The following TTN variants were observed in gnomAD, a reference collection of about 807,000 sequenced individuals.
The protein encoded by TTN is titin, also known as connectin.
Under a neutral mutation model 3,223.0 loss-of-function variants are expected in TTN, and 1,525 were observed. The observed-to-expected ratio is 0.47, with a 90% CI of 0.45 to 0.49. The LOEUF is 0.49. TTN is among the 20% of genes least tolerant of loss of function. TTN has a pLI of 0.00. For synonymous variants in TTN, 14,094 were observed against 15,161.0 expected, an observed-to-expected ratio of 0.93 and a Z score of 5.17; for missense variants, 40,786 against 43,424.0, an observed-to-expected ratio of 0.94 and a Z score of 5.40.
At position 178,569,586 on chromosome 2, in the gene TTN, G is replaced by A. The variant is rs752300467; in HGVS notation, c.76546C>T (p.Leu25516=). The change falls in exon 326 of 363, where the codon CTA becomes TTA. Residue 25516 remains leucine (L), a synonymous_variant. Coordinates refer to ENST00000589042, the MANE Select transcript of TTN (RefSeq NM_001267550.2). ...EAPDIDLDLE[L]RKIINIRAGG... is the part of the protein sequence containing the mutation. Reference sequence around the variant, plus strand: ...GCCCTTATATTTATGATTTTCCTTAGTTCTAGGTCAAGATCAATGTCTGGT... The same window carrying A: ...GCCCTTATATTTATGATTTTCCTTAATTCTAGGTCAAGATCAATGTCTGGT... 1 of 1,612,764 alleles carries A rather than the reference G, an allele frequency of 6.2e-7. No homozygotes were observed. Among genetic ancestry groups the A allele is most frequent in the African/African-American group, 1.3e-5 (1 of 74,954 alleles).
At position 178,591,963 on chromosome 2, in the gene TTN, G is replaced by T. The variant is rs1325582109; in HGVS notation, c.59926+15C>A. 1.9e-6 allele frequency: 3 copies of T among 1,608,516 alleles called. No individual in the cohort carries two copies. Among genetic ancestry groups the T allele is most frequent in the Non-Finnish European group, 2.5e-6 (3 of 1,178,492 alleles). The stretch of plus-strand genomic sequence containing the variant: ...CAGTCAAACAATAGTTTTGTATTCA[G>T]AGAAAGCAACTTACGGAGAGGATCC... On this transcript the variant is annotated intron_variant, in intron 302 of 362. Transcript: ENST00000589042.
Position 178,785,964 on chromosome 2 carries a change from G to T in TTN, c.2254C>A (p.Arg752Ser). 6.2e-7 allele frequency: 1 copy of T among 1,614,122 alleles called. No individual in the cohort carries two copies. The highest frequency in any genetic ancestry group is 8.5e-7 in the Non-Finnish European group (1 of 1,179,998). The change falls in exon 14 of 363, where the codon CGT (arginine) becomes AGT (serine). Residue 752 changes from arginine (R) to serine (S), a missense_variant. By Grantham distance (110) the Arg-to-Ser change is moderately radical (BLOSUM62 -1). Transcript: ENST00000589042. ...SAAKVAEPPQ[R>S]PASEPHVVPK... is the part of the protein sequence containing the mutation. ...ACAACGTGGGGTTCTGAGGCTGGAC[G>T]TTGGGGAGGCTCAGCTACCTTTGCG...
intron 49 of TTN, among the ~76,000 whole-genome samples, chr2:178,736,848 C>G (rs2081538039): frequency 6.6e-6 from 1 of 152,094 alleles, no homozygotes; most frequent in African/African-American, 2.4e-5. Context: ...TCATCATGGG[C>G]CTGGGTTTTT....
At chr2:178,629,185 G>C in intron 240 of TTN, 116 bp downstream of exon 240, 2 of 1,361,376 alleles carry the variant, frequency 1.5e-6, no homozygotes, top group Non-Finnish European at 1.9e-6. Context: ...GGCGGAAAGA[G>C]AAAGGCAAAG....
intron 304 of TTN, 134 bp downstream of exon 304, chr2:178,588,404 T>C: frequency 8.1e-7 from 1 of 1,235,836 alleles, no homozygotes; most frequent in East Asian, 2.4e-5. Context: ...TGGTAAAAGG[T>C]CTATTTGGAA....
chr2:178,688,934 G>GC (rs1254073305), intron 125 of TTN, 119 bp downstream of exon 125: 20 of 1,210,340 alleles, frequency 1.7e-5, no homozygotes, highest in Non-Finnish European at 2.0e-5. Flanking sequence ...AAGTTTCACT[G>GC]CAAGTGAGAC....
chr2:178,686,471 G>A (rs1412124956), intron 127 of TTN, among the ~76,000 whole-genome samples: 2 of 151,924 alleles, frequency 1.3e-5, no homozygotes, highest in Non-Finnish European at 2.9e-5. Context: ...AGGCTAAAAT[G>A]CAGTGGTGTA....
intron 41 of TTN, 111 bp downstream of exon 41, chr2:178,766,270 A>T: frequency 1.1e-6 from 1 of 876,106 alleles, no homozygotes; most frequent in South Asian, 1.4e-5. Flanking sequence ...AACCACATGA[A>T]TACCATAGGT....
At chr2:178,671,855 C>G in intron 155 of TTN, 116 bp downstream of exon 155, 2 of 1,101,006 alleles carry the variant, frequency 1.8e-6, no homozygotes, top group Non-Finnish European at 2.6e-6. Flanking sequence ...AGTTTAAACT[C>G]ATGTTTAAAG....
intron 90 of TTN, among the ~76,000 whole-genome samples, 185 bp from the exon 91 acceptor site, chr2:178,714,758 T>G (rs2077209341): frequency 1.3e-5 from 2 of 152,194 alleles, no homozygotes; most frequent in African/African-American, 4.8e-5. Context: ...ATATCTCATC[T>G]ACTCCAGCTT....
At chr2:178,768,607 A>G in intron 38 of TTN, 66 bp downstream of exon 38, 1 of 1,607,658 alleles carries the variant, frequency 6.2e-7, no homozygotes, top group Non-Finnish European at 8.5e-7. Flanking sequence ...TCATTAATTG[A>G]TACACTAAAT....
At chr2:178,711,601 G>T (rs1318311148) in intron 96 of TTN, among the ~76,000 whole-genome samples, 4 of 152,162 alleles carry the variant, frequency 2.6e-5, no homozygotes, top group Admixed American at 1.3e-4. Flanking sequence ...TTGGCTGAAG[G>T]CATGTCTCTG....
chr2:178,759,015 T>C lies in TTN; in HGVS notation c.10272A>G (p.Gln3424=), dbSNP rs1301098545. Residue 3424 remains glutamine (Q), a synonymous_variant, in exon 44 of 363, where the codon CAA becomes CAG. Coordinates refer to ENST00000589042, the MANE Select transcript of TTN (RefSeq NM_001267550.2). ...YTFVASNAVG[Q]VSSTANLSLE... ...GACTCAGGTTGGCTGTGCTTGATAC[T>C]TGGCCTACAGCATTACTAGCAACAA... 6.2e-6 allele frequency: 10 copies of C among 1,613,958 alleles called. No individual in the cohort carries two copies. The highest frequency in any genetic ancestry group is 8.5e-6 in the Non-Finnish European group (10 of 1,179,958).
rs545377175 is a variant in TTN, at chr2:178,572,641, A to G, written c.73491T>C (p.Tyr24497=). ...CTGAACTATTTTCTACAGTTAGTAT[A>G]TATTTGCCACTGTCAAATCTGTTTA... ...GNVNRFDSGK[Y]ILTVENSSGS... The change falls in exon 326 of 363, where the codon TAT becomes TAC. Residue 24497 remains tyrosine (Y), a synonymous_variant. Coordinates refer to ENST00000589042, the MANE Select transcript of TTN (RefSeq NM_001267550.2). The G allele has an allele frequency of 1.4e-5, 23 of 1,613,096 alleles. No individual in the cohort carries two copies. Among genetic ancestry groups the G allele is most frequent in the Admixed American group, 5.0e-5 (3 of 59,958 alleles).
Position 178,590,054 on chromosome 2 carries a change from A to G in TTN, c.61671T>C (p.His20557=). The G allele has an allele frequency of 6.2e-7, 1 of 1,613,158 alleles. No individual in the cohort carries two copies. Among genetic ancestry groups the G allele is most frequent in the Non-Finnish European group, 8.5e-7 (1 of 1,179,458 alleles). The change falls in exon 304 of 363, where the codon CAT becomes CAC. Residue 20557 remains histidine, a synonymous_variant. Transcript: ENST00000589042. The part of the protein sequence containing the change: ...YIISAKNSSG[H]AQGSAIVNVL... The stretch of plus-strand genomic sequence containing the variant: ...CGTTAACGATGGCTGAACCTTGGGC[A>G]TGTCCACTGCTGTTCTTAGCTGAGA...
chr2:178,729,276 T>C lies in TTN; in HGVS notation c.18868+12A>G. On this transcript the variant is annotated intron_variant, in intron 64 of 362. Transcript: ENST00000589042. Reference sequence around the variant, plus strand: ...AATTTTTATTTGATAGGCTGCTTCTTGTATAACTGACCTTTCAGGGCAACT... The same window carrying C: ...AATTTTTATTTGATAGGCTGCTTCTCGTATAACTGACCTTTCAGGGCAACT... 6.3e-7 allele frequency: 1 copy of C among 1,583,588 alleles called. No individual in the cohort carries two copies. Among genetic ancestry groups the C allele is most frequent in the Non-Finnish European group, 8.6e-7 (1 of 1,164,156 alleles).
Position 178,577,319 on chromosome 2 carries a change from T to C in TTN, c.69016A>G (p.Thr23006Ala), listed in dbSNP as rs763118646. The C allele has an allele frequency of 6.2e-7, 1 of 1,612,934 alleles. No individual in the cohort carries two copies. Among genetic ancestry groups the C allele is most frequent in the Non-Finnish European group, 8.5e-7 (1 of 1,179,478 alleles). The part of the protein sequence containing the change: ...ITSTPTSSML[T>A]IKYATRKDAG... ...TCTTTTCTAGTGGCATACTTGATAG[T>C]AAGCATGGAAGATGTTGGGGTTGAA... is the stretch of plus-strand genomic sequence containing the variant. The change falls in exon 324 of 363, where the codon ACT becomes GCT. Residue 23006 changes from threonine to alanine, a missense_variant. Transcript: ENST00000589042.
rs527461961 is a variant in TTN at position 178,604,266 on chromosome 2, C to T, written c.54421G>A (p.Val18141Ile). ...LIPNGQYEFR[V>I]RAVNKYGISD... ...ATTCCATATTTATTCACTGCCCTGACTCGGAACTCATACTGACCATTGGGG... is the reference window on the plus strand; with the variant it reads ...ATTCCATATTTATTCACTGCCCTGATTCGGAACTCATACTGACCATTGGGG... The change falls in exon 282 of 363, where the codon GTC becomes ATC. Residue 18141 changes from valine (V) to isoleucine (I), a missense_variant. Transcript: ENST00000589042. 4.5e-6 allele frequency: 7 copies of T among 1,558,012 alleles called. No homozygotes were observed. Among genetic ancestry groups the T allele is most frequent in the Non-Finnish European group, 6.1e-6 (7 of 1,150,550 alleles).
chr2:178,689,582 C>T lies in TTN; in HGVS notation c.31860G>A (p.Gln10620=). Residue 10620 remains glutamine (Q), a synonymous_variant, in exon 123 of 363, where the codon CAG becomes CAA. Transcript: ENST00000589042. ...EAPPAKVPEV[Q]KGVVTEEKIT... ...TTTTTTCTTCTGTCACAACTCCCTTCTGTACTTCAGGAACTTGAAGAGACA... is the reference window on the plus strand; with the variant it reads ...TTTTTTCTTCTGTCACAACTCCCTTTTGTACTTCAGGAACTTGAAGAGACA... 6.2e-7 allele frequency: 1 copy of T among 1,604,414 alleles called. No homozygotes were observed. Among genetic ancestry groups the T allele is most frequent in the East Asian group, 2.2e-5 (1 of 44,832 alleles).
Sources: gnomAD v4.1 joint callset for allele counts (sites outside exome capture counted in the v4.1 genomes callset) on GRCh38, gnomAD v4.1.1 for gene constraint, MANE v1.5 for transcripts, NCBI Gene and HGNC (gene_info 2026-07-23, HGNC 2026-07-21) for gene names.